EIF4A1: variants seen among roughly 807,000 people sequenced by gnomAD.
EIF4A1 encodes the protein eukaryotic translation initiation factor 4A1, also known as eukaryotic initiation factor 4A-I.
EIF4A1 carries 11 observed loss-of-function variants against 53.5 expected under a neutral mutation model. The observed-to-expected ratio is 0.21, with a 90% CI of 0.13 to 0.34. EIF4A1 has a LOEUF of 0.34. Ranked by LOEUF, EIF4A1 falls within the 10% of genes least tolerant of loss-of-function variation. The pLI is 1.00. For synonymous variants in EIF4A1, 237 were observed against 186.7 expected (o/e 1.27, Z -2.20); for missense variants, 213 against 530.8 (o/e 0.40, Z 5.88).
At chr17:7,573,810 T>G (rs1597846952) in intron 1 of EIF4A1, 19 of 140,240 alleles carry the variant, frequency 1.4e-4, no homozygotes, top group South Asian at 7.7e-4. Context: ...CTGGAGGGAG[T>G]GGGGGAGGGC....
intron 2 of EIF4A1, 47 bp from the exon 3 acceptor site, chr17:7,574,499 C>T (rs746398017): frequency 1.9e-6 from 3 of 1,611,730 alleles, no homozygotes; most frequent in East Asian, 2.2e-5. Context: ...TACAGCTCAG[C>T]TCCACCTTTT....
rs560471589 is a variant in EIF4A1, at chr17:7,572,864, G to T, written c.23G>T (p.Arg8Leu). ...ATCATGTCTGCGAGCCAGGATTCCC[G>T]GTAAGAAAGGCATTTGCAAGAGATT... is the stretch of plus-strand genomic sequence containing the variant. Reference protein sequence around the residue: MSASQDSRSRDNGPDGME... With the variant: MSASQDSLSRDNGPDGME... Residue 8 changes from arginine (R) to leucine (L), a missense_variant and splice_region_variant, in exon 1 of 11, where the codon CGA becomes CTA. By Grantham distance (102) the Arg-to-Leu change is moderately radical. Around this residue, in one of 4 missense-constraint regions of EIF4A1, gnomAD observed 53 missense variants for 34.0 expected, o/e 1.56. Transcript: ENST00000293831. 1.2e-6 allele frequency: 2 copies of T among 1,614,054 alleles called. No individual in the cohort carries two copies. The highest frequency in any genetic ancestry group is 1.3e-5 in the African/African-American group (1 of 74,956).
chr17:7,572,829 G>C lies in EIF4A1; in HGVS notation c.-13G>C, dbSNP rs772277206. 3.1e-6 allele frequency: 5 copies of C among 1,614,056 alleles called. 1 individual carries two copies. Among genetic ancestry groups the C allele is most frequent in the African/African-American group, 2.7e-5 (2 of 74,948 alleles). Reference sequence around the variant, plus strand: ...GTCGATAGGCGGGCACTCCGCCCTAGTTTCTAAGGATCATGTCTGCGAGCC... The same window carrying C: ...GTCGATAGGCGGGCACTCCGCCCTACTTTCTAAGGATCATGTCTGCGAGCC... On this transcript the variant is annotated 5_prime_UTR_variant, in exon 1 of 11. Transcript: ENST00000293831.
chr17:7,575,065 A>G, intron 3 of EIF4A1, 54 bp from the exon 4 acceptor site: 1 of 1,602,782 alleles, frequency 6.2e-7, no homozygotes, highest in Non-Finnish European at 8.5e-7. Flanking sequence ...TAGGACTTGA[A>G]TATCCCAAAG....
intron 1 of EIF4A1, chr17:7,573,673 C>G (rs1300093211): frequency 1.3e-5 from 2 of 155,314 alleles, no homozygotes; most frequent in Non-Finnish European, 2.9e-5. Flanking sequence ...TTCCCCTCCC[C>G]CAGTCTGCTT....
In EIF4A1 at chr17:7,577,022, T is replaced by G. The variant is rs950159666; in HGVS notation, c.515-34T>G. On this transcript the variant is annotated intron_variant, in intron 5 of 10. Coordinates refer to ENST00000293831, the MANE Select transcript of EIF4A1 (RefSeq NM_001416.4). The surrounding 1 kb of genome is among the most constrained non-coding windows in gnomAD (Gnocchi z 4.7). ...TATCTCTCCCACATTTCCCTAATCA[T>G]ATGCTATATATTGGCTTTTTTTTTC... is the stretch of plus-strand genomic sequence containing the variant. 3.1e-6 allele frequency: 5 copies of G among 1,610,152 alleles called. No homozygotes were observed. The highest frequency in any genetic ancestry group is 4.2e-6 in the Non-Finnish European group (5 of 1,176,802).
intron 1 of EIF4A1, 70 bp from the exon 2 acceptor site, chr17:7,574,190 G>C: frequency 6.3e-7 from 1 of 1,594,884 alleles, no homozygotes; most frequent in Non-Finnish European, 8.6e-7. Flanking sequence ...ACTCCTGACA[G>C]AGCCCGGCTG....
At position 7,577,036 on chromosome 17, in the gene EIF4A1, GC is replaced by G. The variant is rs2150926852; in HGVS notation, c.515-19del. ...TTCCCTAATCATATGCTATATATTGGCTTTTTTTTTCTTCTCTAGCCCCCAA... is the reference window on the plus strand; with the variant it reads ...TTCCCTAATCATATGCTATATATTGGTTTTTTTTTCTTCTCTAGCCCCCAA... On this transcript the variant is annotated intron_variant, in intron 5 of 10. Coordinates refer to ENST00000293831, the MANE Select transcript of EIF4A1 (RefSeq NM_001416.4). The surrounding 1 kb of genome is among the most constrained non-coding windows in gnomAD (Gnocchi z 4.7). The G allele has an allele frequency of 6.2e-7, 1 of 1,609,814 alleles. No homozygotes were observed. The highest frequency in any genetic ancestry group is 8.5e-7 in the Non-Finnish European group (1 of 1,176,340).
At chr17:7,574,962 T>C (rs9903150) in intron 3 of EIF4A1, 157 bp from the exon 4 acceptor site, 90,288 of 1,133,656 alleles carry the variant, frequency 0.08, 4,086 homozygotes, top group African/African-American at 0.16. Flanking sequence ...TTGTTTCTGA[T>C]CTGGTTCCCA....
chr17:7,575,534 G>A (rs1296001503), intron 4 of EIF4A1: 4 of 529,974 alleles, frequency 7.5e-6, no homozygotes, highest in Non-Finnish European at 1.0e-5. Context: ...TTCACTATGG[G>A]CTAAGAGATC....
rs746903969 is a variant in EIF4A1 at position 7,577,052 on chromosome 17, C to G, written c.515-4C>G. On this transcript the variant is annotated splice_region_variant and splice_polypyrimidine_tract_variant and intron_variant, in intron 5 of 10. Transcript: ENST00000293831. The surrounding 1 kb of genome is among the most constrained non-coding windows in gnomAD (Gnocchi z 4.7). ...TATATATTGGCTTTTTTTTTCTTCT[C>G]TAGCCCCCAAATACATCAAGATGTT... 8 of 1,612,874 alleles carry G rather than the reference C, an allele frequency of 5.0e-6. No homozygotes were observed. The Admixed American group carries it at 1.3e-4, about 27-fold the overall frequency.
At chr17:7,578,118 A>T (rs1188248331) in intron 9 of EIF4A1, 47 bp from the exon 10 acceptor site, 1 of 1,612,420 alleles carries the variant, frequency 6.2e-7, no homozygotes, top group Non-Finnish European at 8.5e-7. Context: ...CCTCCGGGAT[A>T]GAGTGTCCTC....
chr17:7,576,796 T>C, intron 5 of EIF4A1, 104 bp downstream of exon 5: 1 of 1,543,664 alleles, frequency 6.5e-7, no homozygotes, highest in Non-Finnish European at 8.8e-7. Flanking sequence ...CTGGTTTCTC[T>C]CTGGGGGAAG....
intron 4 of EIF4A1, 119 bp downstream of exon 4, chr17:7,575,377 C>T (rs2150925407): frequency 1.5e-6 from 2 of 1,366,570 alleles, no homozygotes; most frequent in Non-Finnish European, 1.0e-6. Flanking sequence ...TGCCCTAACA[C>T]TCTCGAGACC....
In EIF4A1 at chr17:7,577,820, C is replaced by T. The variant is rs1320334150; in HGVS notation, c.907-7C>T. On this transcript the variant is annotated splice_polypyrimidine_tract_variant and splice_region_variant and intron_variant, in intron 8 of 10. Coordinates refer to ENST00000293831, the MANE Select transcript of EIF4A1 (RefSeq NM_001416.4). The surrounding 1 kb of genome is among the most constrained non-coding windows in gnomAD (Gnocchi z 4.7). ...CTGGTCTGCTGCATATTTGTTTTCTCTTCCAGCATGGAGATATGGACCAAA... is the reference window on the plus strand; with the variant it reads ...CTGGTCTGCTGCATATTTGTTTTCTTTTCCAGCATGGAGATATGGACCAAA... 3.1e-6 allele frequency: 5 copies of T among 1,614,058 alleles called. No homozygotes were observed. Among genetic ancestry groups the T allele is most frequent in the Non-Finnish European group, 4.2e-6 (5 of 1,180,038 alleles).
At chr17:7,576,778 C>T in intron 5 of EIF4A1, 86 bp downstream of exon 5, 1 of 1,550,082 alleles carries the variant, frequency 6.5e-7, no homozygotes, top group Non-Finnish European at 8.7e-7. Flanking sequence ...GAGTCATTCC[C>T]AAGGATGCTG....
At position 7,577,155 on chromosome 17, in the gene EIF4A1, G is replaced by A. The variant is rs995004606; in HGVS notation, c.614G>A (p.Ser205Asn). ...QIYDIFQKLN[S>N]NTQVVLLSAT... ...TATGACATATTCCAAAAGCTCAACAGCAACACCCAGGTGAGGGCAGTCTTG... is the reference window on the plus strand; with the variant it reads ...TATGACATATTCCAAAAGCTCAACAACAACACCCAGGTGAGGGCAGTCTTG... The change falls in exon 6 of 11, where the codon AGC becomes AAC. Residue 205 changes from serine (S) to asparagine (N), a missense_variant. Transcript: ENST00000293831. This position sits in a 1 kb window ranked among gnomAD's most constrained non-coding sequence, Gnocchi z 4.7. 6.2e-7 allele frequency: 1 copy of A among 1,600,818 alleles called. No homozygotes were observed. Among genetic ancestry groups the A allele is most frequent in the Non-Finnish European group, 8.5e-7 (1 of 1,175,372 alleles).
Position 7,577,942 on chromosome 17 carries a change from G to A in EIF4A1, c.996+26G>A. On this transcript the variant is annotated intron_variant, in intron 9 of 10. Transcript: ENST00000293831. This position sits in a 1 kb window ranked among gnomAD's most constrained non-coding sequence, Gnocchi z 4.7. The stretch of plus-strand genomic sequence containing the variant: ...GTGAGTAGAGGGAACTGATAGCAAA[G>A]GCAGAAGGGAGGATCCAAGGTGATT... The A allele has an allele frequency of 1.2e-6, 2 of 1,613,874 alleles. No individual in the cohort carries two copies. The highest frequency in any genetic ancestry group is 1.7e-6 in the Non-Finnish European group (2 of 1,179,764).
At position 7,574,368 on chromosome 17, in the gene EIF4A1, T is replaced by TA. The variant is rs1279222544; in HGVS notation, c.72+61dup. On this transcript the variant is annotated intron_variant, in intron 2 of 10. Transcript: ENST00000293831. ...ATTACAACTTTCAGCCGTATAGAGT[T>TA]AGAGTGGCCTCTTGATTGATTTCCC... 1.1e-5 allele frequency: 18 copies of TA among 1,612,414 alleles called. No homozygotes were observed. In the East Asian group the frequency reaches 2.7e-4, roughly 24 times the overall value.
Sources: allele counts gnomAD v4.1 joint callset, GRCh38; gene constraint gnomAD v4.1.1; regional missense constraint gnomAD v4.1.1; non-coding constraint Gnocchi (gnomAD v3.1); transcripts MANE v1.5; gene names NCBI Gene and HGNC (gene_info 2026-07-23, HGNC 2026-07-21).